MAP3K7: variants seen among roughly 807,000 people sequenced by gnomAD.
MAP3K7 encodes the protein mitogen-activated protein kinase kinase kinase 7.
In MAP3K7, 21 loss-of-function variants were observed where a neutral mutation model predicts 84.8. The observed-to-expected ratio is 0.25, with a 90% CI of 0.18 to 0.36. The LOEUF is 0.36. Among genes scored for constraint, MAP3K7 ranks in the 10% least tolerant of loss-of-function variants. The pLI is 1.00. For missense variants in MAP3K7, 503 were observed against 747.7 expected (o/e 0.67, Z 3.82); for synonymous variants, 241 against 247.7 (o/e 0.97, Z 0.25).
chr6:90,548,088 G>T lies in MAP3K7; in HGVS notation c.1039C>A (p.Arg347Ser). The T allele has an allele frequency of 1.2e-6, 2 of 1,611,580 alleles. No individual in the cohort carries two copies. Among genetic ancestry groups the T allele is most frequent in the Non-Finnish European group, 1.7e-6 (2 of 1,178,796 alleles). The change falls in exon 10 of 17, where the codon CGC becomes AGC. Residue 347 changes from arginine (R) to serine (S), a missense_variant. This residue lies in a region of MAP3K7 where 286 missense variants were observed against 313.6 expected (regional missense o/e 0.91). Coordinates refer to ENST00000369329, the MANE Select transcript of MAP3K7 (RefSeq NM_145331.3). The part of the protein sequence containing the change: ...QVPATNDTIK[R>S]LESKLLKNQA... ...TTTTTCAACAATTTTGATTCTAAGCGCTTAATAGTATCATTTGTGGCAGGA... is the reference window on the plus strand; with the variant it reads ...TTTTTCAACAATTTTGATTCTAAGCTCTTAATAGTATCATTTGTGGCAGGA...
chr6:90,560,465 G>A (rs1303244546), intron 4 of MAP3K7, among the ~76,000 whole-genome samples: 5 of 152,102 alleles, frequency 3.3e-5, no homozygotes, highest in Admixed American at 3.3e-4. Flanking sequence ...GGGTTCAAGC[G>A]ATTCTCCTGG....
intron 12 of MAP3K7, among the ~76,000 whole-genome samples, chr6:90,539,314 C>A (rs980896850): frequency 6.6e-6 from 1 of 151,806 alleles, no homozygotes; most frequent in Non-Finnish European, 1.5e-5. Context: ...GGCAGAAAGG[C>A]CACCTAAATA....
chr6:90,544,648 T>C lies in MAP3K7; in HGVS notation c.1211-16A>G, dbSNP rs1420188992. On this transcript the variant is annotated splice_polypyrimidine_tract_variant and intron_variant, in intron 11 of 16. Transcript: ENST00000369329. ...TTGGAATAGGCTGCAAAAACACATA[T>C]ATACAGTATACATGCAAACAACCAC... The C allele has an allele frequency of 5.6e-6, 9 of 1,602,976 alleles. No homozygotes were observed. The highest frequency in any genetic ancestry group is 1.1e-5 in the South Asian group (1 of 90,838).
intron 12 of MAP3K7, among the ~76,000 whole-genome samples, chr6:90,537,459 C>G (rs775176209): frequency 1.3e-5 from 2 of 151,834 alleles, no homozygotes; most frequent in Non-Finnish European, 2.9e-5. Context: ...CCCACATGAC[C>G]CCATTATTAT....
chr6:90,554,824 G>A (rs955644976), intron 6 of MAP3K7, among the ~76,000 whole-genome samples: 1 of 152,108 alleles, frequency 6.6e-6, no homozygotes, highest in African/African-American at 2.4e-5. Flanking sequence ...TATGAAACAG[G>A]AGGCATTATT....
intron 1 of MAP3K7, among the ~76,000 whole-genome samples, chr6:90,579,972 C>T (rs1163892524): frequency 6.6e-6 from 1 of 152,226 alleles, no homozygotes. Flanking sequence ...AACAGCACTC[C>T]ACTGACTGGG....
chr6:90,578,777 T>TAAAA (rs1352578441), intron 1 of MAP3K7, among the ~76,000 whole-genome samples: 5 of 152,126 alleles, frequency 3.3e-5, no homozygotes, highest in Non-Finnish European at 5.9e-5. Flanking sequence ...CTACGTAGCA[T>TAAAA]AAAAAAAGCT....
At chr6:90,555,542 A>T (rs1263593788) in intron 6 of MAP3K7, among the ~76,000 whole-genome samples, 1 of 152,320 alleles carries the variant, frequency 6.6e-6, no homozygotes, top group East Asian at 1.9e-4. Context: ...GGCCTGAGCC[A>T]CCGCGCCCAG....
At position 90,515,649 on chromosome 6, in the gene MAP3K7, A is replaced by G. The variant is rs1190701786; in HGVS notation, c.*852T>C. On this transcript the variant is annotated 3_prime_UTR_variant, in exon 17 of 17. Transcript: ENST00000369329. ...TTTTTTTTTTCAAATACATGAGAAA[A>G]CAATCCAAGAATCACTGCAGGAAGA... 2.6e-5 allele frequency: 4 copies of G among 151,698 alleles called. No individual in the cohort carries two copies. Among genetic ancestry groups the G allele is most frequent in the Non-Finnish European group, 4.4e-5 (3 of 67,858 alleles). 9.4% of individuals were successfully genotyped at this position (151,698 alleles called of 1,614,324 possible).
Position 90,514,654 on chromosome 6 carries a change from G to A in MAP3K7, c.*1847C>T, listed in dbSNP as rs1355571371. 6.6e-6 allele frequency: 1 copy of A among 151,906 alleles called. No individual in the cohort carries two copies. The highest frequency in any genetic ancestry group is 2.4e-5 in the African/African-American group (1 of 41,400). The allele number at this position is 151,906 out of a possible 1,614,324, so 9.4% of individuals were successfully genotyped here. A position where few individuals can be genotyped will look rare whatever the true frequency, so the allele number is the denominator to read the frequency against. The stretch of plus-strand genomic sequence containing the variant: ...GGAAACATCAAGCCTTAGCATTCAC[G>A]CTTGGATATCTCGTGCTGAGATAAA... On this transcript the variant is annotated 3_prime_UTR_variant, in exon 17 of 17. Transcript: ENST00000369329.
intron 1 of MAP3K7, among the ~76,000 whole-genome samples, chr6:90,574,864 AAC>A (rs1388250031): frequency 6.6e-6 from 1 of 152,222 alleles, no homozygotes; most frequent in Non-Finnish European, 1.5e-5. Flanking sequence ...AATTTTCTAG[AAC>A]ACCCTGAAAT....
intron 16 of MAP3K7, among the ~76,000 whole-genome samples, chr6:90,517,709 A>G (rs1775010969): frequency 6.6e-6 from 1 of 151,798 alleles, no homozygotes; most frequent in African/African-American, 2.4e-5. Context: ...TTATGATAAA[A>G]CAATTTTTTC....
At chr6:90,536,504 T>C in intron 12 of MAP3K7, 103 bp from the exon 13 acceptor site, 2 of 780,806 alleles carry the variant, frequency 2.6e-6, no homozygotes, top group Non-Finnish European at 4.2e-6. Flanking sequence ...TCCTTGGATC[T>C]ACACAAAATG....
rs1355706448 is a variant in MAP3K7, at chr6:90,586,747, T to C, written c.120+17A>G. The C allele has an allele frequency of 6.4e-7, 1 of 1,570,582 alleles. No individual in the cohort carries two copies. Among genetic ancestry groups the C allele is most frequent in the African/African-American group, 1.4e-5 (1 of 73,700 alleles). On this transcript the variant is annotated intron_variant, in intron 1 of 16. Coordinates refer to ENST00000369329, the MANE Select transcript of MAP3K7 (RefSeq NM_145331.3). ...GGGCAGGCCGGGACCGGCGTCTCCA[T>C]GCCGGGCCTCGCTCACCTCTTCCAC...
intron 1 of MAP3K7, among the ~76,000 whole-genome samples, chr6:90,572,109 T>C (rs1398738938): frequency 3.3e-5 from 5 of 150,444 alleles, no homozygotes; most frequent in Non-Finnish European, 7.4e-5. Context: ...ATTTGTTAAA[T>C]GGAGAAAAAA....
intron 8 of MAP3K7, chr6:90,551,181 T>C (rs1387727114): frequency 6.6e-6 from 1 of 152,166 alleles, no homozygotes; most frequent in African/African-American, 2.4e-5. Flanking sequence ...CTTCTATATA[T>C]GACTGGTATC....
At chr6:90,561,871 A>G (rs1776528130) in intron 3 of MAP3K7, among the ~76,000 whole-genome samples, 1 of 152,224 alleles carries the variant, frequency 6.6e-6, no homozygotes, top group Non-Finnish European at 1.5e-5. Context: ...CTAACAGTGA[A>G]GATGTATGTA....
chr6:90,536,147 A>G lies in MAP3K7; in HGVS notation c.1356+190T>C, dbSNP rs543352302. Among the ~76,000 whole-genome samples the G allele has an allele frequency of 2.0e-5, 3 of 152,262 alleles. No individual in the cohort carries two copies. The South Asian group carries it at 6.2e-4, about 32-fold the overall frequency. On this transcript the variant is annotated intron_variant, in intron 13 of 16. Transcript: ENST00000369329. Reference sequence around the variant, plus strand: ...TTTAATAAACCTACTTTAATAAATTATCTTTCAAGTTAAATTAACAATGGC... The same window carrying G: ...TTTAATAAACCTACTTTAATAAATTGTCTTTCAAGTTAAATTAACAATGGC...
intron 13 of MAP3K7, among the ~76,000 whole-genome samples, chr6:90,529,206 C>A (rs1341025278): frequency 6.6e-6 from 1 of 152,174 alleles, no homozygotes; most frequent in East Asian, 1.9e-4. Flanking sequence ...TCTGGATTTT[C>A]TCTCCTCTTA....
Sources: gnomAD v4.1 joint callset for allele counts (sites outside exome capture counted in the v4.1 genomes callset) on GRCh38, gnomAD v4.1.1 for gene constraint, gnomAD v4.1.1 regional missense constraint, MANE v1.5 for transcripts, NCBI Gene and HGNC (gene_info 2026-07-23, HGNC 2026-07-21) for gene names.